Variants in INPP5B observed in about 807,000 individuals in gnomAD.
INPP5B encodes the protein type II inositol 1,4,5-trisphosphate 5-phosphatase.
In INPP5B, 90 loss-of-function variants were observed where a neutral mutation model predicts 118.5. The ratio of observed to expected loss-of-function variants is 0.76; its 90% CI spans 0.64 to 0.90. INPP5B has a LOEUF of 0.90. Among genes scored for constraint, INPP5B ranks in the 40% least tolerant of loss-of-function variants. The probability of loss-of-function intolerance (pLI) is 0.00; values close to 1 mark genes in which losing one functional copy is unlikely to be tolerated. For missense variants in INPP5B, 984 were observed against 1,125.6 expected (o/e 0.87, Z 1.80); for synonymous variants, 385 against 418.9 (o/e 0.92, Z 0.99).
chr1:37,885,673 G>A lies in INPP5B; in HGVS notation c.1284C>T (p.Asp428=). The A allele has an allele frequency of 1.2e-6, 2 of 1,614,050 alleles. No homozygotes were observed. Among genetic ancestry groups the A allele is most frequent in the Non-Finnish European group, 1.7e-6 (2 of 1,180,006 alleles). The change falls in exon 13 of 24, where the codon GAC becomes GAT. Residue 428 remains aspartate (D), a synonymous_variant. Coordinates refer to ENST00000373024, the MANE Select transcript of INPP5B (RefSeq NM_005540.3). ...TGATGGTGAGAGGGGGAAGGCTTGG[G>A]TCAGGCTGACAAAACTGCATTCGAG... ...ICSRMQFCQP[D]PSLPPLTISN...
In INPP5B at chr1:37,882,820, T is replaced by C. The variant is rs149782091; in HGVS notation, c.1418A>G (p.Tyr473Cys). 1.9e-6 allele frequency: 3 copies of C among 1,611,022 alleles called. No individual in the cohort carries two copies. Among genetic ancestry groups the C allele is most frequent in the African/African-American group, 2.7e-5 (2 of 74,982 alleles). The change falls in exon 14 of 24, where the codon TAT (tyrosine) becomes TGT (cysteine). Residue 473 changes from tyrosine to cysteine, a missense_variant. By Grantham distance (194) the Tyr-to-Cys change is radical. This residue lies in a region of INPP5B where 634 missense variants were observed against 791.0 expected (regional missense o/e 0.80). Coordinates refer to ENST00000373024, the MANE Select transcript of INPP5B (RefSeq NM_005540.3). ...GGCCATCTGTACCTGATCATATGCA[T>C]ACAGCATTTGAAAGTCCTTCTCTTC... ...LIEEKDFQML[Y>C]AYDQLKIQVA...
chr1:37,871,678 G>A (rs1215533361), intron 19 of INPP5B, among the ~76,000 whole-genome samples: 6 of 147,494 alleles, frequency 4.1e-5, no homozygotes, highest in African/African-American at 7.5e-5. Flanking sequence ...TGAGGTGGGC[G>A]GATCACCTGA....
At chr1:37,923,801 A>C (rs1645134157) in intron 7 of INPP5B, among the ~76,000 whole-genome samples, 1 of 150,688 alleles carries the variant, frequency 6.6e-6, no homozygotes, top group East Asian at 1.9e-4. Context: ...TTTGAGATGG[A>C]GTCTCGCTGT....
rs746949498 is a variant in INPP5B, at chr1:37,931,898, G to A, written c.532+15C>T. 1.9e-6 allele frequency: 3 copies of A among 1,613,902 alleles called. No individual in the cohort carries two copies. The Admixed American group carries it at 5.0e-5, about 27-fold the overall frequency. ...TCCTCCAATCCCCACCGTTTCTTCCGGGACGGATACCTGCCTCCGCCAATT... is the reference window on the plus strand; with the variant it reads ...TCCTCCAATCCCCACCGTTTCTTCCAGGACGGATACCTGCCTCCGCCAATT... On this transcript the variant is annotated intron_variant, in intron 7 of 23. Transcript: ENST00000373024.
intron 7 of INPP5B, 112 bp from the exon 8 acceptor site, chr1:37,891,566 G>C: frequency 1.5e-6 from 1 of 663,722 alleles, no homozygotes. Flanking sequence ...CCTGAGGTCG[G>C]GAGTTCGAGA....
At chr1:37,923,769 G>C (rs1416512587) in intron 7 of INPP5B, among the ~76,000 whole-genome samples, 1 of 129,482 alleles carries the variant, frequency 7.7e-6, no homozygotes, top group Non-Finnish European at 1.7e-5. Context: ...GAGGAAAGGA[G>C]TAAGTGCAGT....
intron 6 of INPP5B, among the ~76,000 whole-genome samples, chr1:37,933,390 T>G (rs1645565570): frequency 6.6e-6 from 1 of 151,542 alleles, no homozygotes; most frequent in African/African-American, 2.4e-5. Context: ...CCACAAAAAA[T>G]ACAAAAAATT....
Position 37,879,573 on chromosome 1 carries a change from G to C in INPP5B, c.1541+512C>G, listed in dbSNP as rs1643067173. 2.0e-5 allele frequency among the ~76,000 whole-genome samples: 3 copies of C among 151,698 alleles called. No homozygotes were observed. The South Asian group carries it at 6.3e-4, about 32-fold the overall frequency. On this transcript the variant is annotated intron_variant, in intron 15 of 23. Coordinates refer to ENST00000373024, the MANE Select transcript of INPP5B (RefSeq NM_005540.3). ...ACTTGAGGTCAGGAGTTCAAGACCA[G>C]CTTGGCCAACATGGTGAAACCCTGT...
intron 13 of INPP5B, chr1:37,885,413 C>T (rs902432262): frequency 5.5e-5 from 23 of 421,480 alleles, no homozygotes; most frequent in African/African-American, 1.4e-4. Flanking sequence ...GACTCCATCT[C>T]GAAAAAAAAA....
chr1:37,941,974 T>TATATATATATATATATATAAAA (rs1390505203), intron 5 of INPP5B: 1 of 80,926 alleles, frequency 1.2e-5, no homozygotes, highest in Non-Finnish European at 2.6e-5. Flanking sequence ...TATATATATA[T>TATATATATATATATATATAAAA]AAAATAAAAT....
At chr1:37,934,154 G>A (rs147296136) in intron 6 of INPP5B, among the ~76,000 whole-genome samples, 373 of 151,972 alleles carry the variant, frequency 2.5e-3, no homozygotes, top group African/African-American at 8.6e-3. Context: ...GTCTGGTCTC[G>A]AACTCCTGAC....
At chr1:37,886,178 A>C (rs964766103) in intron 12 of INPP5B, among the ~76,000 whole-genome samples, 9 of 151,802 alleles carry the variant, frequency 5.9e-5, no homozygotes, top group Non-Finnish European at 1.0e-4. Context: ...CTCCATCTCA[A>C]AAACAAACAA....
intron 1 of INPP5B, among the ~76,000 whole-genome samples, chr1:37,946,639 G>A (rs960169772): frequency 6.6e-6 from 1 of 152,118 alleles, no homozygotes; most frequent in African/African-American, 2.4e-5. Flanking sequence ...TACGTGGATT[G>A]GAGAAGGGGA....
At chr1:37,876,237 G>C (rs1309401403) in intron 16 of INPP5B, among the ~76,000 whole-genome samples, 1 of 151,486 alleles carries the variant, frequency 6.6e-6, no homozygotes, top group Non-Finnish European at 1.5e-5. Context: ...CCAAGTAGCT[G>C]AGACCACAGA....
rs371847003 is a variant in INPP5B at position 37,873,990 on chromosome 1, T to C, written c.1951+3A>G. 14 of 1,561,256 alleles carry C rather than the reference T, an allele frequency of 9.0e-6. No individual in the cohort carries two copies. The highest frequency in any genetic ancestry group is 2.3e-5 in the South Asian group (2 of 85,876). On this transcript the variant is annotated splice_donor_region_variant and intron_variant, in intron 18 of 23. Transcript: ENST00000373024. The stretch of plus-strand genomic sequence containing the variant: ...ACCAGGAAGCTAGGAACAGAGGCCT[T>C]ACCTGGCAGGAGGAAGCCTCTGCTG...
At chr1:37,923,398 C>T (rs1234805667) in intron 7 of INPP5B, among the ~76,000 whole-genome samples, 1 of 152,156 alleles carries the variant, frequency 6.6e-6, no homozygotes, top group African/African-American at 2.4e-5. Context: ...TGAGGTCAGG[C>T]AGTGCAGGAC....
chr1:37,886,829 G>A, intron 12 of INPP5B, 59 bp downstream of exon 12: 3 of 1,191,628 alleles, frequency 2.5e-6, no homozygotes, highest in Non-Finnish European at 3.8e-6. Context: ...CATCAGAAGT[G>A]GTCAATACCT....
At chr1:37,896,806 C>T (rs1362394207) in intron 7 of INPP5B, among the ~76,000 whole-genome samples, 2 of 141,014 alleles carry the variant, frequency 1.4e-5, no homozygotes, top group African/African-American at 2.6e-5. Flanking sequence ...CCCGGCCAGC[C>T]GCCCTGTCCG....
chr1:37,865,789 C>T lies in INPP5B; in HGVS notation c.2486G>A (p.Cys829Tyr). 6.2e-7 allele frequency: 1 copy of T among 1,613,698 alleles called. No homozygotes were observed. Among genetic ancestry groups the T allele is most frequent in the Non-Finnish European group, 8.5e-7 (1 of 1,179,718 alleles). ...TTTGCTTGCTGTGTAGTTGCCAGAACACTCCAAGCAGTTATGGTAGGTGCT... is the reference window on the plus strand; with the variant it reads ...TTTGCTTGCTGTGTAGTTGCCAGAATACTCCAAGCAGTTATGGTAGGTGCT... Reference protein sequence around the residue: ...CYSTYHNCLECSGNYTASKQV... With the variant: ...CYSTYHNCLEYSGNYTASKQV... Residue 829 changes from cysteine (C) to tyrosine (Y), a missense_variant, in exon 22 of 24, where the codon TGT (cysteine) becomes TAT (tyrosine). Coordinates refer to ENST00000373024, the MANE Select transcript of INPP5B (RefSeq NM_005540.3).
Sources: allele counts gnomAD v4.1 joint callset (sites outside exome capture counted in the v4.1 genomes callset), GRCh38; gene constraint gnomAD v4.1.1; regional missense constraint gnomAD v4.1.1; transcripts MANE v1.5; gene names NCBI Gene and HGNC (gene_info 2026-07-23, HGNC 2026-07-21).